CACNA1D: variants seen among roughly 807,000 people sequenced by gnomAD.
CACNA1D encodes the protein voltage-dependent L-type calcium channel subunit alpha-1D.
CACNA1D carries 55 observed loss-of-function variants against 257.1 expected under a neutral mutation model. The observed-to-expected ratio is 0.21, with a 90% CI of 0.17 to 0.27. The LOEUF is 0.27. CACNA1D is among the 10% of genes least tolerant of loss of function. CACNA1D has a pLI of 1.00. For missense variants in CACNA1D, 1,876 were observed against 2,784.0 expected, an observed-to-expected ratio of 0.67 and a Z score of 7.34; for synonymous variants, 980 against 1,014.9, an observed-to-expected ratio of 0.97 and a Z score of 0.65.
At chr3:53,700,484 AG>A (rs1461078286) in intron 8 of CACNA1D, among the ~76,000 whole-genome samples, 2 of 152,192 alleles carry the variant, frequency 1.3e-5, no homozygotes, top group African/African-American at 4.8e-5. Context: ...TGATTTTTTC[AG>A]AGTTCAGAGA....
At chr3:53,616,934 G>T (rs573344143) in intron 3 of CACNA1D, among the ~76,000 whole-genome samples, 1 of 152,078 alleles carries the variant, frequency 6.6e-6, no homozygotes, top group East Asian at 1.9e-4. Flanking sequence ...AAGAATGGTT[G>T]GTGTCACAGT....
chr3:53,585,611 A>T (rs139589294), intron 3 of CACNA1D, among the ~76,000 whole-genome samples: 2 of 152,064 alleles, frequency 1.3e-5, no homozygotes, highest in East Asian at 3.9e-4. Context: ...GGAGAGAGAG[A>T]GTGAAGACCT....
At chr3:53,650,722 CT>C in intron 3 of CACNA1D, 56 bp from the exon 4 acceptor site, 1 of 1,577,792 alleles carries the variant, frequency 6.3e-7, no homozygotes, top group African/African-American at 1.3e-5. Context: ...CTTTTTCTGT[CT>C]CCTCTTCCTC....
intron 3 of CACNA1D, among the ~76,000 whole-genome samples, chr3:53,610,437 TA>T (rs1400015578): frequency 1.3e-5 from 2 of 152,236 alleles, no homozygotes; most frequent in Non-Finnish European, 1.5e-5. Context: ...AATTCACATT[TA>T]GGGTTGTTAT....
chr3:53,631,391 T>G (rs929285145), intron 3 of CACNA1D, among the ~76,000 whole-genome samples: 2 of 152,248 alleles, frequency 1.3e-5, no homozygotes, highest in Non-Finnish European at 2.9e-5. Flanking sequence ...AAGTTTTATC[T>G]TGAGATTGCA....
chr3:53,694,741 C>T (rs2094558524), intron 8 of CACNA1D, among the ~76,000 whole-genome samples: 1 of 152,164 alleles, frequency 6.6e-6, no homozygotes, highest in African/African-American at 2.4e-5. Context: ...GGGGACATGG[C>T]AGAGACTCAG....
rs749658176 is a variant in CACNA1D at position 53,731,159 on chromosome 3, A to C, written c.2406+13A>C. ...CAGTGACAACAAGGTATGTATTCTA[A>C]GATGCTTCTCCCCTTTTTGTTTCAA... On this transcript the variant is annotated intron_variant, in intron 17 of 47. Coordinates refer to ENST00000350061, the MANE Select transcript of CACNA1D (RefSeq NM_001128840.3). The C allele has an allele frequency of 6.4e-7, 1 of 1,566,122 alleles. No homozygotes were observed. Among genetic ancestry groups the C allele is most frequent in the Non-Finnish European group, 8.8e-7 (1 of 1,136,258 alleles).
intron 42 of CACNA1D, among the ~76,000 whole-genome samples, chr3:53,801,945 A>G (rs561678666): frequency 6.6e-6 from 1 of 152,230 alleles, no homozygotes; most frequent in East Asian, 1.9e-4. Flanking sequence ...ATTCTTTTTT[A>G]TGTTTTTCAA....
intron 8 of CACNA1D, among the ~76,000 whole-genome samples, chr3:53,681,725 G>A (rs564351905): frequency 8.9e-4 from 135 of 152,296 alleles, no homozygotes; most frequent in African/African-American, 3.0e-3. Flanking sequence ...TTACAAACTC[G>A]TATAAATGCT....
At chr3:53,669,184 A>G (rs1200401884) in intron 7 of CACNA1D, among the ~76,000 whole-genome samples, 1 of 152,274 alleles carries the variant, frequency 6.6e-6, no homozygotes, top group Non-Finnish European at 1.5e-5. Flanking sequence ...TTAGCTCATC[A>G]TAGAGATAGG....
intron 40 of CACNA1D, chr3:53,796,031 G>C: frequency 4.9e-6 from 1 of 205,070 alleles, no homozygotes; most frequent in Non-Finnish European, 1.0e-5. Context: ...CTGGAGGAGA[G>C]TGGTGACAAA....
chr3:53,800,229 T>C lies in CACNA1D; in HGVS notation c.4924-20T>C, dbSNP rs2095529480. The C allele has an allele frequency of 1.3e-6, 2 of 1,558,660 alleles. No individual in the cohort carries two copies. Among genetic ancestry groups the C allele is most frequent in the South Asian group, 1.1e-5 (1 of 89,944 alleles). The stretch of plus-strand genomic sequence containing the variant: ...GGCCCATGTGTGGTCTAACCTGTTC[T>C]GCCATTTTCATTGATCTAGGCGGGA... On this transcript the variant is annotated intron_variant, in intron 40 of 47. Coordinates refer to ENST00000350061, the MANE Select transcript of CACNA1D (RefSeq NM_001128840.3). This position sits in a 1 kb window ranked among gnomAD's most constrained non-coding sequence, Gnocchi z 4.3.
rs1251811040 is a variant in CACNA1D, at chr3:53,718,708, C to A, written c.1478+320C>A. On this transcript the variant is annotated intron_variant, in intron 10 of 47. Coordinates refer to ENST00000350061, the MANE Select transcript of CACNA1D (RefSeq NM_001128840.3). ...TGCTGGTGGAGACGGAGAGGCGCGG[C>A]CAAGGCGGGGCCCTCTGGGTGTCGG... The A allele has an allele frequency of 6.4e-7, 1 of 1,559,700 alleles. No individual in the cohort carries two copies. The highest frequency in any genetic ancestry group is 1.4e-5 in the African/African-American group (1 of 73,780).
At chr3:53,715,471 T>C (rs11709505) in intron 9 of CACNA1D, among the ~76,000 whole-genome samples, 33,240 of 151,730 alleles carry the variant, frequency 0.22, 3,983 homozygotes, top group African/African-American at 0.27. Context: ...GTCTGTGCAA[T>C]GATGAAAGTG....
chr3:53,644,368 AT>A (rs564648038), intron 3 of CACNA1D, among the ~76,000 whole-genome samples: 2 of 152,240 alleles, frequency 1.3e-5, no homozygotes, highest in Non-Finnish European at 2.9e-5. Flanking sequence ...TATGCAATAC[AT>A]TGTTGTAACT....
At chr3:53,660,107 A>G (rs536918755) in intron 4 of CACNA1D, 26 bp from the exon 5 acceptor site, 1 of 1,610,004 alleles carries the variant, frequency 6.2e-7, no homozygotes, top group Non-Finnish European at 8.5e-7. Context: ...AGACTCTAAC[A>G]TTTCTTTCTC....
rs992314969 is a variant in CACNA1D at position 53,495,951 on chromosome 3, C to T, written c.67+718C>T. Among the ~76,000 whole-genome samples, 2 of 152,180 alleles carry T rather than the reference C, an allele frequency of 1.3e-5. No homozygotes were observed. Among genetic ancestry groups the T allele is most frequent in the African/African-American group, 4.8e-5 (2 of 41,458 alleles). ...AGGATGGAGCAGCTCCTGGCCAGCC[C>T]TCCCCTTTGGAGACCGCCAGTGCCC... On this transcript the variant is annotated intron_variant, in intron 1 of 47. Coordinates refer to ENST00000350061, the MANE Select transcript of CACNA1D (RefSeq NM_001128840.3). The surrounding 1 kb of genome is among the most constrained non-coding windows in gnomAD (Gnocchi z 5.1).
intron 3 of CACNA1D, among the ~76,000 whole-genome samples, chr3:53,601,063 CT>C (rs2093435622): frequency 6.6e-6 from 1 of 152,188 alleles, no homozygotes; most frequent in South Asian, 2.1e-4. Context: ...ACAGCACACT[CT>C]TTTTCTGTTC....
intron 9 of CACNA1D, chr3:53,710,486 G>A: frequency 2.2e-6 from 1 of 456,738 alleles, no homozygotes; most frequent in Non-Finnish European, 4.4e-6. Flanking sequence ...ATGGTAAATT[G>A]CTGAGACTGA....
Sources: allele counts gnomAD v4.1 joint callset (sites outside exome capture counted in the v4.1 genomes callset), GRCh38; gene constraint gnomAD v4.1.1; non-coding constraint Gnocchi (gnomAD v3.1); transcripts MANE v1.5; gene names NCBI Gene and HGNC (gene_info 2026-07-23, HGNC 2026-07-21).